Variants in SORCS2 observed in about 807,000 individuals in gnomAD.
The protein encoded by SORCS2 is sortilin related VPS10 domain containing receptor 2, also known as VPS10 domain-containing receptor SorCS2.
In SORCS2, 100 loss-of-function variants were observed where a neutral mutation model predicts 141.6. That is an observed-to-expected ratio of 0.71 (90% CI 0.60 to 0.83). The LOEUF is 0.83. Among genes scored for constraint, SORCS2 ranks in the 40% least tolerant of loss-of-function variants. The probability of loss-of-function intolerance (pLI) is 0.00; values close to 1 mark genes in which losing one functional copy is unlikely to be tolerated. For missense variants in SORCS2, 1,646 were observed against 1,560.2 expected (o/e 1.05, Z -0.93); for synonymous variants, 789 against 676.9 (o/e 1.17, Z -2.57).
At position 7,193,467 on chromosome 4, in the gene SORCS2, A is replaced by AC. The variant is rs1205414513; in HGVS notation, c.480+345dup. ...CGGAAGCCTGCAGGTCCTTGAGGGT[A>AC]CCCCAGCTCGGCGTTACCTCCCCTG... On this transcript the variant is annotated intron_variant, in intron 1 of 26. Transcript: ENST00000507866. This position sits in a 1 kb window ranked among gnomAD's most constrained non-coding sequence, Gnocchi z 4.8. 1.5e-5 allele frequency among the ~76,000 whole-genome samples: 2 copies of AC among 132,224 alleles called. No homozygotes were observed. Among genetic ancestry groups the AC allele is most frequent in the African/African-American group, 6.9e-5 (2 of 29,174 alleles). 86.7% of individuals were successfully genotyped at this position (132,224 alleles called of 152,430 possible).
chr4:7,417,202 G>A (rs116218043), intron 2 of SORCS2, among the ~76,000 whole-genome samples: 104 of 152,262 alleles, frequency 6.8e-4, no homozygotes, highest in African/African-American at 2.2e-3. Flanking sequence ...GGATTATGCC[G>A]GCGGCCGAGT....
chr4:7,534,268 G>A (rs1711918944), intron 3 of SORCS2, among the ~76,000 whole-genome samples: 1 of 152,190 alleles, frequency 6.6e-6, no homozygotes, highest in African/African-American at 2.4e-5. Context: ...GGATTTGCAG[G>A]GTGGTGTAGA....
intron 1 of SORCS2, among the ~76,000 whole-genome samples, chr4:7,365,825 C>T (rs376176838): frequency 1.3e-5 from 2 of 152,190 alleles, no homozygotes; most frequent in African/African-American, 4.8e-5. Flanking sequence ...GAGCCAGGCA[C>T]CTTCTTTGCA....
chr4:7,389,831 C>A (rs547972712), intron 1 of SORCS2, among the ~76,000 whole-genome samples: 5 of 152,094 alleles, frequency 3.3e-5, no homozygotes, highest in African/African-American at 7.2e-5. Context: ...GTGCAGTCCG[C>A]GGTAGTGAGA....
chr4:7,720,016 C>T (rs543500597), intron 18 of SORCS2, among the ~76,000 whole-genome samples: 2 of 152,250 alleles, frequency 1.3e-5, no homozygotes, highest in East Asian at 3.9e-4. Flanking sequence ...AGGTCCGAGG[C>T]ACACACTCAC....
intron 1 of SORCS2, among the ~76,000 whole-genome samples, chr4:7,306,541 G>A (rs34168071): frequency 0.74 from 112,158 of 151,986 alleles, 44,371 homozygotes; most frequent in Non-Finnish European, 0.88. Context: ...TGGGTTGGGG[G>A]GTGTAAACTG....
At chr4:7,621,781 C>T (rs900106742) in intron 3 of SORCS2, among the ~76,000 whole-genome samples, 7 of 152,232 alleles carry the variant, frequency 4.6e-5, no homozygotes, top group African/African-American at 1.2e-4. Context: ...GTCACCAGCT[C>T]GGCTCTGTCT....
chr4:7,207,945 A>G (rs4689634), intron 1 of SORCS2, among the ~76,000 whole-genome samples: 95,292 of 151,890 alleles, frequency 0.63, 32,730 homozygotes, highest in East Asian at 0.93. Context: ...GGGCTGGGCA[A>G]TGACGGGGAA....
chr4:7,330,519 T>G (rs1719588692), intron 1 of SORCS2, among the ~76,000 whole-genome samples: 1 of 151,684 alleles, frequency 6.6e-6, no homozygotes, highest in Non-Finnish European at 1.5e-5. Flanking sequence ...AGAGCGAGTC[T>G]GTGTCACCCT....
chr4:7,531,476 C>A, intron 2 of SORCS2, 54 bp from the exon 3 acceptor site: 1 of 1,550,454 alleles, frequency 6.4e-7, no homozygotes, highest in Non-Finnish European at 8.9e-7. Context: ...TGTGGGCTGA[C>A]GAAGGCCACA....
intron 1 of SORCS2, among the ~76,000 whole-genome samples, chr4:7,259,244 T>TACCATACTCAATTAAAAAGTGATGCA (rs1320213507): frequency 3.0e-4 from 45 of 152,324 alleles, no homozygotes; most frequent in East Asian, 2.5e-3. Context: ...ATTTAATCCT[T>TACCATACTCAATTAAAAAGTGATGCA]ACCATACTCA....
At chr4:7,602,306 C>G (rs1031997155) in intron 3 of SORCS2, among the ~76,000 whole-genome samples, 2 of 151,910 alleles carry the variant, frequency 1.3e-5, no homozygotes, top group African/African-American at 4.8e-5. Flanking sequence ...GGGGCTGTCC[C>G]CCACCTCCTG....
chr4:7,235,264 G>A (rs992844908), intron 1 of SORCS2, among the ~76,000 whole-genome samples: 1 of 152,212 alleles, frequency 6.6e-6, no homozygotes, highest in South Asian at 2.1e-4. Flanking sequence ...TGCTGCCCGC[G>A]CCAGGCTCAG....
intron 2 of SORCS2, among the ~76,000 whole-genome samples, chr4:7,414,000 C>T (rs907624717): frequency 5.9e-5 from 9 of 152,024 alleles, no homozygotes; most frequent in Non-Finnish European, 1.2e-4. Flanking sequence ...GATGTAGAGA[C>T]GAAAGAGCCA....
At chr4:7,713,582 C>T (rs1725971318) in intron 15 of SORCS2, among the ~76,000 whole-genome samples, 1 of 151,984 alleles carries the variant, frequency 6.6e-6, no homozygotes. Context: ...TGGAAACTGA[C>T]TAAGAGGAAA....
At chr4:7,613,357 G>A (rs1000875585) in intron 3 of SORCS2, among the ~76,000 whole-genome samples, 2 of 152,248 alleles carry the variant, frequency 1.3e-5, no homozygotes, top group Non-Finnish European at 2.9e-5. Context: ...CTGTTCAGCG[G>A]GGCTCTGCGT....
At position 7,524,246 on chromosome 4, in the gene SORCS2, G is replaced by A. The variant is rs1001437211; in HGVS notation, c.549-7284G>A. On this transcript the variant is annotated intron_variant, in intron 2 of 26. Coordinates refer to ENST00000507866, the MANE Select transcript of SORCS2 (RefSeq NM_020777.3). ...TGGGCACTATATCCAATGTGAAATC[G>A]AGGCAGAGAGTGGCGCAATGCAGCC... Among the ~76,000 whole-genome samples, 6 of 152,174 alleles carry A rather than the reference G, an allele frequency of 3.9e-5. No homozygotes were observed. In the East Asian group the frequency reaches 5.8e-4, roughly 15 times the overall value.
intron 3 of SORCS2, among the ~76,000 whole-genome samples, chr4:7,580,486 A>C (rs1377992027): frequency 6.8e-6 from 1 of 147,892 alleles, no homozygotes; most frequent in Non-Finnish European, 1.5e-5. Context: ...CAAGACTCAG[A>C]AAAAAAAAAA....
chr4:7,681,405 CAGAG>C (rs1407714783), intron 9 of SORCS2, among the ~76,000 whole-genome samples: 3 of 152,142 alleles, frequency 2.0e-5, no homozygotes, highest in African/African-American at 7.2e-5. Flanking sequence ...GAAACACGGT[CAGAG>C]AGATGCAGCG....
Sources: gnomAD v4.1 joint callset for allele counts (sites outside exome capture counted in the v4.1 genomes callset) on GRCh38, gnomAD v4.1.1 for gene constraint, Gnocchi (gnomAD v3.1) non-coding constraint, MANE v1.5 for transcripts, NCBI Gene and HGNC (gene_info 2026-07-23, HGNC 2026-07-21) for gene names.